MNAT1: variants seen among roughly 807,000 people sequenced by gnomAD.
The protein encoded by MNAT1 is MNAT1 component of CDK activating kinase.
In MNAT1, 43 loss-of-function variants were observed where a neutral mutation model predicts 42.0. That is an observed-to-expected ratio of 1.02 (90% CI 0.80 to 1.32). The LOEUF is 1.32. Among genes scored for constraint, MNAT1 ranks in the 40% most tolerant of loss-of-function variants. The probability of loss-of-function intolerance (pLI) is 0.00; values close to 1 mark genes in which losing one functional copy is unlikely to be tolerated. For missense variants in MNAT1, 306 were observed against 350.4 expected (o/e 0.87, Z 1.01); for synonymous variants, 118 against 120.0 (o/e 0.98, Z 0.11).
intron 1 of MNAT1, among the ~76,000 whole-genome samples, chr14:60,741,658 G>GT (rs3049888): frequency 5.0e-4 from 46 of 92,020 alleles, no homozygotes; most frequent in African/African-American, 1.5e-3. Context: ...TGCGCCTGGG[G>GT]TTTTTTTTTT....
chr14:60,772,526 C>T (rs974090494), intron 1 of MNAT1, among the ~76,000 whole-genome samples: 3 of 149,924 alleles, frequency 2.0e-5, no homozygotes, highest in Admixed American at 1.3e-4. Flanking sequence ...AACCAGGAGG[C>T]GGAGGTTACA....
chr14:60,750,521 C>T (rs1474803307), intron 1 of MNAT1, among the ~76,000 whole-genome samples: 6 of 145,866 alleles, frequency 4.1e-5, no homozygotes, highest in African/African-American at 7.6e-5. Flanking sequence ...TGAGCCACTG[C>T]GCCCAGCCTT....
chr14:60,871,031 C>T (rs775736240), intron 6 of MNAT1, among the ~76,000 whole-genome samples: 2 of 152,104 alleles, frequency 1.3e-5, no homozygotes, highest in Non-Finnish European at 2.9e-5. Context: ...TGTAGCATAA[C>T]GTTTTTGATG....
intron 1 of MNAT1, among the ~76,000 whole-genome samples, chr14:60,779,232 A>T (rs1406820301): frequency 6.6e-6 from 1 of 152,204 alleles, no homozygotes; most frequent in Non-Finnish European, 1.5e-5. Flanking sequence ...TCCTAAGCCC[A>T]TTATTTTAAT....
chr14:60,904,826 A>C lies in MNAT1; in HGVS notation c.809+24991A>C, dbSNP rs144639412. Among the ~76,000 whole-genome samples, 521 of 152,098 alleles carry C rather than the reference A, an allele frequency of 3.4e-3. 3 individuals carry two copies. Among genetic ancestry groups the C allele is most frequent in the African/African-American group, 0.012 (505 of 41,516 alleles). On this transcript the variant is annotated intron_variant, in intron 7 of 7. Transcript: ENST00000261245. ...ACAGGACCCTTAAAAAAGCAGATTC[A>C]ATTTATTATTGGACTTTGTTTACTT...
At chr14:60,857,099 C>T (rs543346522) in intron 6 of MNAT1, among the ~76,000 whole-genome samples, 3 of 152,292 alleles carry the variant, frequency 2.0e-5, no homozygotes, top group African/African-American at 7.2e-5. Flanking sequence ...GCATGGCTTG[C>T]TGAATATTTG....
At chr14:60,881,438 GC>G (rs985684606) in intron 7 of MNAT1, among the ~76,000 whole-genome samples, 3 of 151,974 alleles carry the variant, frequency 2.0e-5, no homozygotes, top group African/African-American at 7.2e-5. Context: ...GCCCACCTTG[GC>G]CCCCCAAAAG....
chr14:60,924,053 C>T (rs949603052), intron 7 of MNAT1, among the ~76,000 whole-genome samples: 4 of 152,078 alleles, frequency 2.6e-5, no homozygotes, highest in Admixed American at 6.5e-5. Context: ...TTAAAGGAGG[C>T]AGAAGAAGTT....
chr14:60,927,022 G>A (rs1181716900), intron 7 of MNAT1, among the ~76,000 whole-genome samples: 2 of 152,162 alleles, frequency 1.3e-5, no homozygotes, highest in African/African-American at 4.8e-5. Flanking sequence ...GATTCTCCTT[G>A]CCACCCTATC....
intron 7 of MNAT1, among the ~76,000 whole-genome samples, chr14:60,893,596 G>A (rs2034889628): frequency 6.6e-6 from 1 of 152,132 alleles, no homozygotes; most frequent in South Asian, 2.1e-4. Flanking sequence ...TGAGTATTCT[G>A]TATTTTGATC....
intron 6 of MNAT1, among the ~76,000 whole-genome samples, chr14:60,867,375 A>G (rs1221664434): frequency 6.6e-6 from 1 of 152,124 alleles, no homozygotes; most frequent in Non-Finnish European, 1.5e-5. Context: ...TAAAAGACAA[A>G]GAGTGCTCTT....
intron 7 of MNAT1, among the ~76,000 whole-genome samples, chr14:60,908,416 A>G (rs2035263066): frequency 6.6e-6 from 1 of 151,932 alleles, no homozygotes; most frequent in Admixed American, 6.6e-5. Context: ...GGTGTGCTGC[A>G]CCCATTAACT....
At chr14:60,945,942 G>A (rs2036264960) in intron 7 of MNAT1, among the ~76,000 whole-genome samples, 1 of 152,096 alleles carries the variant, frequency 6.6e-6, no homozygotes, top group Non-Finnish European at 1.5e-5. Context: ...ACGTATGTAT[G>A]AATACATTCT....
intron 7 of MNAT1, among the ~76,000 whole-genome samples, chr14:60,957,554 T>C (rs2036508039): frequency 6.6e-6 from 1 of 152,188 alleles, no homozygotes. Flanking sequence ...GTCCCTCCCA[T>C]GACAGGTGGG....
At chr14:60,849,387 A>G (rs1594800483) in intron 6 of MNAT1, among the ~76,000 whole-genome samples, 2 of 152,344 alleles carry the variant, frequency 1.3e-5, no homozygotes, top group East Asian at 3.9e-4. Flanking sequence ...AATAAATGAT[A>G]GATATTCAAA....
intron 3 of MNAT1, among the ~76,000 whole-genome samples, chr14:60,802,742 T>C (rs2032245170): frequency 6.6e-6 from 1 of 152,140 alleles, no homozygotes; most frequent in South Asian, 2.1e-4. Flanking sequence ...CATGCAGTTG[T>C]ATGGTGTTAA....
intron 7 of MNAT1, among the ~76,000 whole-genome samples, chr14:60,931,979 T>C (rs1411555017): frequency 6.6e-6 from 1 of 152,068 alleles, no homozygotes; most frequent in Non-Finnish European, 1.5e-5. Context: ...TAAGTTTGTG[T>C]GTAAATATTT....
At chr14:60,847,177 G>C (rs2033702624) in intron 6 of MNAT1, among the ~76,000 whole-genome samples, 1 of 152,028 alleles carries the variant, frequency 6.6e-6, no homozygotes, top group African/African-American at 2.4e-5. Flanking sequence ...GGCCGAGGCG[G>C]GCGGATCATG....
At chr14:60,803,163 C>T (rs2032263609) in intron 3 of MNAT1, among the ~76,000 whole-genome samples, 1 of 152,020 alleles carries the variant, frequency 6.6e-6, no homozygotes, top group Non-Finnish European at 1.5e-5. Flanking sequence ...TCTTGAACTC[C>T]TGACCTTGTG....
Sources: allele counts gnomAD v4.1 joint callset (sites outside exome capture counted in the v4.1 genomes callset), GRCh38; gene constraint gnomAD v4.1.1; transcripts MANE v1.5; gene names NCBI Gene and HGNC (gene_info 2026-07-23, HGNC 2026-07-21).